Variants in SLC28A2 observed in about 807,000 individuals in gnomAD.
SLC28A2 encodes sodium/nucleoside cotransporter 2.
A neutral mutation model predicts 72.9 loss-of-function variants in SLC28A2; 69 were observed. The ratio of observed to expected loss-of-function variants is 0.95; its 90% CI spans 0.78 to 1.16. The LOEUF is 1.16. Ranked by LOEUF, SLC28A2 falls within the 50% of genes most tolerant of loss-of-function variation. The pLI, the probability that SLC28A2 is intolerant of heterozygous loss-of-function variation, is 0.00. For missense variants in SLC28A2, 745 were observed against 791.1 expected (o/e 0.94, Z 0.70); for synonymous variants, 296 against 294.1 (o/e 1.01, Z -0.07).
chr15:45,263,153 G>A lies in SLC28A2; in HGVS notation c.355G>A (p.Val119Ile). The change falls in exon 5 of 18, where the codon GTT becomes ATT. Residue 119 changes from valine (V) to isoleucine (I), a missense_variant. Physicochemically the swap from Val to Ile is conservative, Grantham distance 29 (BLOSUM62 3). Transcript: ENST00000347644. ...CACCTGCTTGGTGATCTTTGTCCTG[G>A]TTCACTCGTTTTTGAAAAAGCTCCT... ...VITCLVIFVL[V>I]HSFLKKLLGK... The A allele has an allele frequency of 2.5e-6, 4 of 1,613,972 alleles. No individual in the cohort carries two copies. The highest frequency in any genetic ancestry group is 2.2e-5 in the East Asian group (1 of 44,874).
At chr15:45,267,861 G>A in intron 12 of SLC28A2, 65 bp downstream of exon 12, 5 of 1,574,692 alleles carry the variant, frequency 3.2e-6, no homozygotes, top group Non-Finnish European at 4.4e-6. Flanking sequence ...CACTGTGGTG[G>A]CAGAGACTTC....
In SLC28A2 at chr15:45,269,450, T is replaced by A. The variant is rs750233621; in HGVS notation, c.1481T>A (p.Val494Glu). The A allele has an allele frequency of 1.9e-6, 3 of 1,614,156 alleles. No individual in the cohort carries two copies. Among genetic ancestry groups the A allele is most frequent in the African/African-American group, 2.7e-5 (2 of 75,058 alleles). The part of the protein sequence containing the change: ...VGIKFFINEF[V>E]AYQQLSQYKN... The stretch of plus-strand genomic sequence containing the variant: ...ATCAAGTTCTTCATAAATGAGTTTG[T>A]GGCTTATCAGCAACTGTCTCAATAC... Residue 494 changes from valine (V) to glutamate (E), a missense_variant, in exon 14 of 18, where the codon GTG becomes GAG. Transcript: ENST00000347644.
chr15:45,268,473 T>A, intron 13 of SLC28A2, 95 bp downstream of exon 13: 1 of 1,018,856 alleles, frequency 9.8e-7, no homozygotes, highest in South Asian at 1.7e-5. Flanking sequence ...TGAGATACCA[T>A]CTCACACCAG....
At chr15:45,270,772 G>A (rs1165985608) in intron 15 of SLC28A2, among the ~76,000 whole-genome samples, 1 of 151,944 alleles carries the variant, frequency 6.6e-6, no homozygotes, top group African/African-American at 2.4e-5. Context: ...TTACAAGTGT[G>A]TGCCACTATG....
intron 12 of SLC28A2, 32 bp from the exon 13 acceptor site, chr15:45,268,178 C>A (rs957981607): frequency 6.3e-7 from 1 of 1,579,654 alleles, no homozygotes; most frequent in Non-Finnish European, 8.7e-7. Flanking sequence ...GCTGTAGACA[C>A]CCTACTCTTG....
rs201033556 is a variant in SLC28A2, at chr15:45,253,094, CT to C, written c.-16-102del. The C allele has an allele frequency of 5.3e-3, 3,434 of 645,328 alleles. 72 individuals are homozygous for C. Among genetic ancestry groups the C allele is most frequent in the African/African-American group, 0.052 (2,886 of 55,354 alleles). The allele number at this position is 645,328 out of a possible 1,614,324, so 40.0% of individuals were successfully genotyped here. A position where few individuals can be genotyped will look rare whatever the true frequency, so the allele number is the denominator to read the frequency against. On this transcript the variant is annotated intron_variant, in intron 1 of 17. Transcript: ENST00000347644. ...AAGAAATCAACTAAGCCTTCAAAGA[CT>C]TTTAGTTTTGCGTTTTCCATGGGTA...
chr15:45,273,172 A>C (rs1164561848), intron 17 of SLC28A2, among the ~76,000 whole-genome samples: 2 of 152,124 alleles, frequency 1.3e-5, no homozygotes. Context: ...ATTTTATATT[A>C]ATTAAAAAAA....
intron 1 of SLC28A2, among the ~76,000 whole-genome samples, chr15:45,252,888 A>C (rs1899836474): frequency 6.6e-6 from 1 of 152,198 alleles, no homozygotes; most frequent in Non-Finnish European, 1.5e-5. Context: ...AGGAACCTTT[A>C]TAGCCCAGAT....
intron 8 of SLC28A2, 44 bp downstream of exon 8, chr15:45,265,210 T>C (rs1364520800): frequency 7.9e-7 from 1 of 1,263,672 alleles, no homozygotes; most frequent in Non-Finnish European, 1.2e-6. Context: ...TATGGAGGGG[T>C]AGAGGAATAA....
intron 3 of SLC28A2, among the ~76,000 whole-genome samples, chr15:45,260,487 C>T (rs1333104017): frequency 6.6e-6 from 1 of 152,076 alleles, no homozygotes; most frequent in Admixed American, 6.6e-5. Context: ...GTATGCTGGC[C>T]CTTTTACTCA....
intron 7 of SLC28A2, 36 bp from the exon 8 acceptor site, chr15:45,265,053 T>C: frequency 6.7e-7 from 1 of 1,503,568 alleles, no homozygotes; most frequent in Non-Finnish European, 9.3e-7. Flanking sequence ...TTGGGTTTCA[T>C]TCTTATTCTC....
intron 8 of SLC28A2, 122 bp from the exon 9 acceptor site, chr15:45,265,461 T>C (rs1900302550): frequency 1.3e-6 from 1 of 749,010 alleles, no homozygotes; most frequent in African/African-American, 1.7e-5. Flanking sequence ...AACTAGTTTG[T>C]GTAGGTACTG....
chr15:45,270,434 G>A (rs1900513362), intron 15 of SLC28A2, among the ~76,000 whole-genome samples, 158 bp downstream of exon 15: 1 of 152,156 alleles, frequency 6.6e-6, no homozygotes, highest in Non-Finnish European at 1.5e-5. Flanking sequence ...ACCTAAGGCA[G>A]TCATGCCCAC....
chr15:45,270,245 T>G lies in SLC28A2; in HGVS notation c.1617T>G (p.Leu539=), dbSNP rs755405642. The stretch of plus-strand genomic sequence containing the variant: ...TTTCACTCTGTGGATTTGCCAATCT[T>G]AGTTCCATAGGAATCACACTTGGAG... The part of the protein sequence containing the change: ...TTFSLCGFAN[L]SSIGITLGGL... Residue 539 remains leucine, a synonymous_variant, in exon 15 of 18, where the codon CTT becomes CTG. Transcript: ENST00000347644. 1.9e-6 allele frequency: 3 copies of G among 1,613,768 alleles called. No homozygotes were observed. Among genetic ancestry groups the G allele is most frequent in the Non-Finnish European group, 1.7e-6 (2 of 1,179,614 alleles).
At chr15:45,266,234 T>G (rs1900333060) in intron 10 of SLC28A2, 73 bp downstream of exon 10, 1 of 1,088,868 alleles carries the variant, frequency 9.2e-7, no homozygotes, top group Admixed American at 1.7e-5. Flanking sequence ...AAGAGTATGC[T>G]TTCCTTCTGA....
In SLC28A2 at chr15:45,267,648, A is replaced by C. The variant is rs1173281503; in HGVS notation, c.1069-18A>C. The C allele has an allele frequency of 1.2e-6, 2 of 1,614,056 alleles. No individual in the cohort carries two copies. The highest frequency in any genetic ancestry group is 2.2e-5 in the South Asian group (2 of 91,078). The stretch of plus-strand genomic sequence containing the variant: ...GGGTTTGATAGAAACACTGATGCCT[A>C]AGTCTGGCGCCTCACAGGTTGATGC... On this transcript the variant is annotated intron_variant, in intron 11 of 17. Coordinates refer to ENST00000347644, the MANE Select transcript of SLC28A2 (RefSeq NM_004212.4).
intron 4 of SLC28A2, among the ~76,000 whole-genome samples, chr15:45,262,565 G>C (rs970298673): frequency 2.0e-5 from 3 of 152,184 alleles, no homozygotes; most frequent in Non-Finnish European, 2.9e-5. Flanking sequence ...GAGGCACCTG[G>C]GATGGTGGGA....
chr15:45,265,124 T>C lies in SLC28A2; in HGVS notation c.738T>C (p.Phe246=). The part of the protein sequence containing the change: ...FLNYTVAGSS[F]VFGDTLVKDV... ...ACTACACTGTGGCCGGCTCCAGTTT[T>C]GTCTTTGGGGATACACTGGTCAAGG... Residue 246 remains phenylalanine, a synonymous_variant, in exon 8 of 18, where the codon TTT becomes TTC. Coordinates refer to ENST00000347644, the MANE Select transcript of SLC28A2 (RefSeq NM_004212.4). 6.2e-7 allele frequency: 1 copy of C among 1,613,288 alleles called. No individual in the cohort carries two copies. Among genetic ancestry groups the C allele is most frequent in the Non-Finnish European group, 8.5e-7 (1 of 1,179,246 alleles).
At chr15:45,270,591 G>A (rs897178529) in intron 15 of SLC28A2, among the ~76,000 whole-genome samples, 5 of 151,724 alleles carry the variant, frequency 3.3e-5, no homozygotes, top group African/African-American at 9.7e-5. Context: ...CATTAAATTG[G>A]AATAGTGCAT....
Sources: gnomAD v4.1 joint callset for allele counts (sites outside exome capture counted in the v4.1 genomes callset) on GRCh38, gnomAD v4.1.1 for gene constraint, MANE v1.5 for transcripts, NCBI Gene and HGNC (gene_info 2026-07-23, HGNC 2026-07-21) for gene names.